The following POU6F2 variants were observed in gnomAD, a reference collection of about 807,000 sequenced individuals.
The protein encoded by POU6F2 is POU class 6 homeobox 2.
A neutral mutation model predicts 71.3 loss-of-function variants in POU6F2; 31 were observed. That is an observed-to-expected ratio of 0.43 (90% CI 0.33 to 0.59). The LOEUF (loss-of-function observed/expected upper bound fraction) is 0.59. Ranked by LOEUF, POU6F2 falls within the 20% of genes least tolerant of loss-of-function variation. The pLI is 0.04. For synonymous variants in POU6F2, 347 were observed against 355.7 expected (o/e 0.98, Z 0.27); for missense variants, 783 against 856.8 (o/e 0.91, Z 1.07).
At chr7:39,348,423 A>T (rs1786070896) in intron 5 of POU6F2, among the ~76,000 whole-genome samples, 1 of 152,224 alleles carries the variant, frequency 6.6e-6, no homozygotes, top group African/African-American at 2.4e-5. Flanking sequence ...AGTAACCATG[A>T]TCCTTTACCT....
intron 4 of POU6F2, 146 bp from the exon 5 acceptor site, chr7:39,339,496 A>T: frequency 8.1e-7 from 1 of 1,231,486 alleles, no homozygotes. Context: ...GCCTCACAAC[A>T]CTCTTAAATA....
chr7:39,400,180 C>T (rs922533062), intron 5 of POU6F2, among the ~76,000 whole-genome samples: 11 of 152,182 alleles, frequency 7.2e-5, no homozygotes, highest in African/African-American at 2.7e-4. Flanking sequence ...CCTAGAGCCA[C>T]CTCATTAGCA....
At chr7:39,104,030 A>C (rs955394266) in intron 2 of POU6F2, among the ~76,000 whole-genome samples, 1 of 152,206 alleles carries the variant, frequency 6.6e-6, no homozygotes, top group Non-Finnish European at 1.5e-5. Flanking sequence ...CTTCTGAATG[A>C]GCAAAACTGG....
chr7:39,008,255 A>C (rs1789144077), intron 1 of POU6F2, among the ~76,000 whole-genome samples: 1 of 150,836 alleles, frequency 6.6e-6, no homozygotes, highest in Non-Finnish European at 1.5e-5. Context: ...TGTGGTTTTG[A>C]TTTGCATTTC....
intron 5 of POU6F2, among the ~76,000 whole-genome samples, chr7:39,381,413 A>AT (rs1009200731): frequency 4.0e-5 from 6 of 151,302 alleles, no homozygotes; most frequent in East Asian, 2.0e-4. Flanking sequence ...AATTTTTTGT[A>AT]TTTTTTTTAG....
At chr7:39,053,796 C>A (rs1436925976) in intron 1 of POU6F2, among the ~76,000 whole-genome samples, 1 of 151,696 alleles carries the variant, frequency 6.6e-6, no homozygotes, top group Non-Finnish European at 1.5e-5. Flanking sequence ...GCAAATAGAA[C>A]AACAAAATGA....
intron 4 of POU6F2, among the ~76,000 whole-genome samples, chr7:39,263,213 A>G (rs1784171406): frequency 6.6e-6 from 1 of 150,436 alleles, no homozygotes; most frequent in Non-Finnish European, 1.5e-5. Flanking sequence ...GGAAAATGTT[A>G]CTTTCTTTTT....
intron 2 of POU6F2, among the ~76,000 whole-genome samples, chr7:39,169,187 A>G (rs529494397): frequency 1.3e-5 from 2 of 152,340 alleles, no homozygotes; most frequent in South Asian, 4.1e-4. Flanking sequence ...TGTACTTTAG[A>G]TCTGATTAGA....
chr7:39,113,568 A>G (rs529212948), intron 2 of POU6F2, among the ~76,000 whole-genome samples: 1 of 152,350 alleles, frequency 6.6e-6, no homozygotes, highest in African/African-American at 2.4e-5. Context: ...GCTTCTAAAG[A>G]TCTGGCCAGC....
At chr7:39,084,657 C>T (rs1791196700) in intron 1 of POU6F2, among the ~76,000 whole-genome samples, 1 of 152,088 alleles carries the variant, frequency 6.6e-6, no homozygotes, top group Admixed American at 6.6e-5. Context: ...TATTGATTAA[C>T]ATTTTCATAG....
intron 1 of POU6F2, among the ~76,000 whole-genome samples, chr7:38,993,127 A>G (rs1462097965): frequency 6.6e-6 from 1 of 152,190 alleles, no homozygotes; most frequent in African/African-American, 2.4e-5. Context: ...CTGTGTATAA[A>G]GATAAGCAAA....
At chr7:39,429,147 C>G (rs571471229) in intron 6 of POU6F2, among the ~76,000 whole-genome samples, 1 of 151,980 alleles carries the variant, frequency 6.6e-6, no homozygotes, top group Non-Finnish European at 1.5e-5. Context: ...TCATCGGAAC[C>G]CCTTGGCTGG....
At chr7:39,072,623 G>T (rs930158766) in intron 1 of POU6F2, among the ~76,000 whole-genome samples, 1 of 152,114 alleles carries the variant, frequency 6.6e-6, no homozygotes, top group South Asian at 2.1e-4. Context: ...TTACAAATAC[G>T]CAGGGAGAAA....
intron 2 of POU6F2, among the ~76,000 whole-genome samples, chr7:39,194,720 A>C (rs1047370351): frequency 6.6e-6 from 1 of 152,200 alleles, no homozygotes; most frequent in Non-Finnish European, 1.5e-5. Flanking sequence ...CGTTCTTCAC[A>C]GTAACTTTTG....
At chr7:39,038,358 A>G (rs1174174755) in intron 1 of POU6F2, among the ~76,000 whole-genome samples, 5 of 152,088 alleles carry the variant, frequency 3.3e-5, no homozygotes, top group African/African-American at 1.2e-4. Context: ...AGGAATTTAA[A>G]CACTCCTATG....
intron 4 of POU6F2, among the ~76,000 whole-genome samples, chr7:39,282,301 C>T (rs1029930731): frequency 6.6e-6 from 1 of 151,970 alleles, no homozygotes; most frequent in East Asian, 1.9e-4. Flanking sequence ...TGGTATAGTC[C>T]TATCTGTCTA....
Position 39,224,957 on chromosome 7 carries a change from T to C in POU6F2, c.598+17337T>C, listed in dbSNP as rs562623209. ...AATATCATATGACCATGTGATTTAC[T>C]GATTTGCAGCCAGCTGCCAACTGTT... On this transcript the variant is annotated intron_variant, in intron 4 of 9. Coordinates refer to ENST00000518318, the MANE Select transcript of POU6F2 (RefSeq NM_001370959.1). Among the ~76,000 whole-genome samples the C allele has an allele frequency of 5.3e-5, 8 of 152,354 alleles. No homozygotes were observed. The South Asian group carries it at 1.7e-3, about 32-fold the overall frequency.
At chr7:39,122,211 T>C (rs1327217700) in intron 2 of POU6F2, among the ~76,000 whole-genome samples, 1 of 152,238 alleles carries the variant, frequency 6.6e-6, no homozygotes. Context: ...CAGATTACCT[T>C]TAAGTCGTGA....
At chr7:39,317,243 A>C (rs538787030) in intron 4 of POU6F2, among the ~76,000 whole-genome samples, 1 of 152,178 alleles carries the variant, frequency 6.6e-6, no homozygotes, top group Non-Finnish European at 1.5e-5. Flanking sequence ...TGGCATGTAA[A>C]ACTGACTCCC....
Sources: allele counts gnomAD v4.1 joint callset (sites outside exome capture counted in the v4.1 genomes callset), GRCh38; gene constraint gnomAD v4.1.1; transcripts MANE v1.5; gene names NCBI Gene and HGNC (gene_info 2026-07-23, HGNC 2026-07-21).